CYFIP2: variants seen among roughly 807,000 people sequenced by gnomAD.
The protein encoded by CYFIP2 is cytoplasmic FMR1 interacting protein 2.
A neutral mutation model predicts 158.7 loss-of-function variants in CYFIP2; 29 were observed. That is an observed-to-expected ratio of 0.18 (90% CI 0.14 to 0.25). The LOEUF (loss-of-function observed/expected upper bound fraction) is 0.25. CYFIP2 is among the 10% of genes least tolerant of loss of function. CYFIP2 has a pLI of 1.00. For synonymous variants in CYFIP2, 585 were observed against 617.6 expected, an observed-to-expected ratio of 0.95 and a Z score of 0.78; for missense variants, 852 against 1,639.5, an observed-to-expected ratio of 0.52 and a Z score of 8.29.
intron 28 of CYFIP2, chr5:157,384,329 G>C (rs1437967778): frequency 2.2e-6 from 1 of 456,690 alleles, no homozygotes; most frequent in African/African-American, 2.0e-5. Flanking sequence ...TTCACATTTT[G>C]GGGGCAGGCA....
In CYFIP2 at chr5:157,296,659, A is replaced by G. The variant is rs367746407; in HGVS notation, c.286-14A>G. The G allele has an allele frequency of 5.4e-5, 87 of 1,610,868 alleles. No individual in the cohort carries two copies. In the African/African-American group the frequency reaches 1.0e-3, roughly 19 times the overall value. ...TGTAAACCAGGATGTGTGTGTCCCC[A>G]TTATCCCCCACAGGTGAAATGCAAC... On this transcript the variant is annotated splice_polypyrimidine_tract_variant and intron_variant, in intron 4 of 30. Coordinates refer to ENST00000620254, the MANE Select transcript of CYFIP2 (RefSeq NM_001037333.3).
chr5:157,383,047 A>T (rs1339566966), intron 27 of CYFIP2, among the ~76,000 whole-genome samples: 8 of 152,180 alleles, frequency 5.3e-5, no homozygotes, highest in Admixed American at 6.5e-5. Flanking sequence ...TATACTAGAG[A>T]TATTCTAGAA....
intron 8 of CYFIP2, among the ~76,000 whole-genome samples, chr5:157,305,225 G>A (rs1327848524): frequency 2.6e-5 from 4 of 152,200 alleles, no homozygotes. Flanking sequence ...GTGTGCAAGT[G>A]TCTTTTTCAT....
chr5:157,281,101 T>C (rs901979959), intron 1 of CYFIP2, among the ~76,000 whole-genome samples: 5 of 152,194 alleles, frequency 3.3e-5, no homozygotes, highest in Non-Finnish European at 7.4e-5. Context: ...CAGCAGAATT[T>C]GTCATAGATT....
intron 26 of CYFIP2, among the ~76,000 whole-genome samples, chr5:157,367,378 G>A (rs956984285): frequency 6.6e-6 from 1 of 152,180 alleles, no homozygotes; most frequent in Non-Finnish European, 1.5e-5. Flanking sequence ...ACCTCCCCCT[G>A]TTGGAAACTG....
rs1238949302 is a variant in CYFIP2 at position 157,311,553 on chromosome 5, TGTC to T, written c.993-110_993-108del. The T allele has an allele frequency of 2.3e-6, 2 of 851,076 alleles. No individual in the cohort carries two copies. The highest frequency in any genetic ancestry group is 1.8e-6 in the Non-Finnish European group (1 of 541,082). 52.7% of individuals were successfully genotyped at this position (851,076 alleles called of 1,614,324 possible). A position where few individuals can be genotyped will look rare whatever the true frequency, so the allele number is the denominator to read the frequency against. On this transcript the variant is annotated intron_variant, in intron 10 of 30. Coordinates refer to ENST00000620254, the MANE Select transcript of CYFIP2 (RefSeq NM_001037333.3). The surrounding 1 kb of genome is among the most constrained non-coding windows in gnomAD (Gnocchi z 4.7). Reference sequence around the variant, plus strand: ...CTGAGGCGGCTGGGATACCATTTGGTGTCACCCAGGGGAGTTGGCCACGTGGGC... The same window carrying T: ...CTGAGGCGGCTGGGATACCATTTGGTACCCAGGGGAGTTGGCCACGTGGGC...
intron 23 of CYFIP2, chr5:157,343,129 C>G (rs989573579): frequency 6.2e-6 from 10 of 1,614,084 alleles, no homozygotes; most frequent in Non-Finnish European, 8.5e-6. Context: ...AACGGACACA[C>G]CAGAACTGGA....
intron 23 of CYFIP2, among the ~76,000 whole-genome samples, chr5:157,348,001 C>T (rs1433378911): frequency 6.6e-6 from 1 of 152,256 alleles, no homozygotes. Context: ...GTATCTGGGA[C>T]ACCTGCCCCA....
At chr5:157,356,540 G>T (rs946799838) in intron 23 of CYFIP2, among the ~76,000 whole-genome samples, 3 of 152,144 alleles carry the variant, frequency 2.0e-5, no homozygotes, top group Non-Finnish European at 4.4e-5. Context: ...GCCCAGTCAG[G>T]ATGTAGAGCT....
chr5:157,331,582 C>T (rs1761466270), intron 20 of CYFIP2, among the ~76,000 whole-genome samples: 1 of 151,850 alleles, frequency 6.6e-6, no homozygotes, highest in African/African-American at 2.4e-5. Flanking sequence ...CTGGACATTC[C>T]CATTACTATG....
intron 26 of CYFIP2, chr5:157,377,034 TC>T (rs1765551269): frequency 2.7e-6 from 1 of 375,652 alleles, no homozygotes; most frequent in Admixed American, 2.9e-5. Flanking sequence ...CGCCCTCAGG[TC>T]CAGTCATCAG....
chr5:157,323,894 C>A, intron 15 of CYFIP2, 27 bp from the exon 16 acceptor site: 1 of 1,523,022 alleles, frequency 6.6e-7, no homozygotes, highest in Non-Finnish European at 8.9e-7. Flanking sequence ...CAGCTTCTGA[C>A]CTTCTCATCT....
intron 23 of CYFIP2, among the ~76,000 whole-genome samples, chr5:157,346,643 C>A (rs912357480): frequency 6.6e-6 from 1 of 152,158 alleles, no homozygotes; most frequent in Admixed American, 6.5e-5. Flanking sequence ...GTCTCCAGAA[C>A]TGTGAGAGAA....
chr5:157,281,430 G>A (rs1319908388), intron 1 of CYFIP2, among the ~76,000 whole-genome samples: 1 of 152,030 alleles, frequency 6.6e-6, no homozygotes, highest in Non-Finnish European at 1.5e-5. Flanking sequence ...GTTATCTAGT[G>A]GTATAGTTTA....
intron 11 of CYFIP2, among the ~76,000 whole-genome samples, chr5:157,312,639 A>G (rs1759829273): frequency 6.6e-6 from 1 of 152,282 alleles, no homozygotes; most frequent in South Asian, 2.1e-4. Flanking sequence ...GTACTTTCCA[A>G]ACCCCAACTC....
chr5:157,307,978 T>C lies in CYFIP2; in HGVS notation c.900+113T>C, dbSNP rs557668514. On this transcript the variant is annotated intron_variant, in intron 9 of 30. Coordinates refer to ENST00000620254, the MANE Select transcript of CYFIP2 (RefSeq NM_001037333.3). Reference sequence around the variant, plus strand: ...AACTGTCAGGTTTTTTTAATTGAGCTGTAGCTCCAAAGATCCCAAGAGTAG... The same window carrying C: ...AACTGTCAGGTTTTTTTAATTGAGCCGTAGCTCCAAAGATCCCAAGAGTAG... The C allele has an allele frequency of 6.5e-5, 42 of 641,482 alleles. No individual in the cohort carries two copies. In the South Asian group the frequency reaches 7.1e-4, roughly 11 times the overall value. 39.7% of individuals were successfully genotyped at this position (641,482 alleles called of 1,614,324 possible).
intron 13 of CYFIP2, among the ~76,000 whole-genome samples, chr5:157,317,445 A>G (rs1760243278): frequency 6.6e-6 from 1 of 152,206 alleles, no homozygotes; most frequent in South Asian, 2.1e-4. Context: ...TAGTTCTAAC[A>G]GGCTTATGAG....
In CYFIP2 at chr5:157,320,679, C is replaced by G. The variant is rs543209816; in HGVS notation, c.1548C>G (p.Thr516=). The G allele has an allele frequency of 5.0e-6, 8 of 1,613,940 alleles. No individual in the cohort carries two copies. Among genetic ancestry groups the G allele is most frequent in the East Asian group, 2.2e-5 (1 of 44,874 alleles). The change falls in exon 15 of 31, where the codon ACC becomes ACG. Residue 516 remains threonine, a synonymous_variant. Transcript: ENST00000620254. ...LISVLQAIRK[T]ICDWEGGREP... ...GCGTCCTACAGGCAATTCGAAAGAC[C>G]ATCTGTGACTGGGAGGGAGGGCGAG... is the stretch of plus-strand genomic sequence containing the variant.
Position 157,361,151 on chromosome 5 carries a change from G to A in CYFIP2, c.2909-317G>A, listed in dbSNP as rs190023815. ...CACCTACTAATAAATATTAATTCCT[G>A]TCATGATTAGGAAGTCAGGCAACTT... On this transcript the variant is annotated intron_variant, in intron 25 of 30. Transcript: ENST00000620254. The surrounding 1 kb of genome is among the most constrained non-coding windows in gnomAD (Gnocchi z 4.4). Among the ~76,000 whole-genome samples, 410 of 152,264 alleles carry A rather than the reference G, an allele frequency of 2.7e-3. 4 individuals carry two copies. Among genetic ancestry groups the A allele is most frequent in the Non-Finnish European group, 6.9e-4 (47 of 68,014 alleles).
Sources: gnomAD v4.1 joint callset for allele counts (sites outside exome capture counted in the v4.1 genomes callset) on GRCh38, gnomAD v4.1.1 for gene constraint, Gnocchi (gnomAD v3.1) non-coding constraint, MANE v1.5 for transcripts, NCBI Gene and HGNC (gene_info 2026-07-23, HGNC 2026-07-21) for gene names.